FAR2: variants seen among roughly 807,000 people sequenced by gnomAD.
The protein encoded by FAR2 is epididymis secretory protein Li 81.
Under a neutral mutation model 56.0 loss-of-function variants are expected in FAR2, and 19 were observed. The ratio of observed to expected loss-of-function variants is 0.34; its 90% CI spans 0.24 to 0.50. The LOEUF (loss-of-function observed/expected upper bound fraction) is 0.50, where lower values mean the gene tolerates loss of function less well. FAR2 is among the 20% of genes least tolerant of loss of function. The pLI, the probability that FAR2 is intolerant of heterozygous loss-of-function variation, is 0.98. For missense variants in FAR2, 508 were observed against 642.2 expected, an observed-to-expected ratio of 0.79 and a Z score of 2.26; for synonymous variants, 219 against 218.8, an observed-to-expected ratio of 1.00 and a Z score of -0.01.
chr12:29,263,317 G>C (rs181223383), intron 1 of FAR2, among the ~76,000 whole-genome samples: 352 of 152,256 alleles, frequency 2.3e-3, no homozygotes, highest in Non-Finnish European at 3.4e-3. Flanking sequence ...GATATTTACA[G>C]AACACTTCAT....
chr12:29,177,825 G>T (rs1949952571), intron 1 of FAR2, among the ~76,000 whole-genome samples: 1 of 95,806 alleles, frequency 1.0e-5, no homozygotes, highest in Admixed American at 1.3e-4. Flanking sequence ...AGCTATTGTA[G>T]TATAAGCACA....
intron 1 of FAR2, among the ~76,000 whole-genome samples, chr12:29,222,047 C>T (rs1458600783): frequency 6.6e-6 from 1 of 152,132 alleles, no homozygotes; most frequent in Non-Finnish European, 1.5e-5. Flanking sequence ...ACGGGTTTCA[C>T]CATGTTGGGC....
chr12:29,187,518 T>C (rs1198029388), intron 1 of FAR2, among the ~76,000 whole-genome samples: 1 of 152,154 alleles, frequency 6.6e-6, no homozygotes, highest in African/African-American at 2.4e-5. Context: ...AGCCTGTACA[T>C]GTCAGGTTTA....
In FAR2 at chr12:29,244,278, A is replaced by ATTT. The variant is rs757539750; in HGVS notation, c.-38-26132_-38-26130dup. On this transcript the variant is annotated intron_variant, in intron 1 of 11. Transcript: ENST00000536681. Reference sequence around the variant, plus strand: ...TGTGCCAATGAACACATTAAATACAATTTTAAAGCCTTGTTCAGTGAACAG... The same window carrying ATTT: ...TGTGCCAATGAACACATTAAATACAATTTTTTTAAAGCCTTGTTCAGTGAACAG... 1.8e-4 allele frequency among the ~76,000 whole-genome samples: 27 copies of ATTT among 152,320 alleles called. 1 individual carries two copies. Among genetic ancestry groups the ATTT allele is most frequent in the Middle Eastern group, 3.4e-3 (1 of 294 alleles).
At chr12:29,291,248 C>G (rs1948960835) in intron 2 of FAR2, among the ~76,000 whole-genome samples, 1 of 152,158 alleles carries the variant, frequency 6.6e-6, no homozygotes, top group South Asian at 2.1e-4. Flanking sequence ...ATGAATTTTT[C>G]AGAGTCAGTG....
chr12:29,226,192 G>T (rs1299138087), intron 1 of FAR2, among the ~76,000 whole-genome samples: 1 of 152,214 alleles, frequency 6.6e-6, no homozygotes, highest in African/African-American at 2.4e-5. Flanking sequence ...TTTGTTGGAT[G>T]ATATTTGCAC....
intron 1 of FAR2, among the ~76,000 whole-genome samples, chr12:29,270,041 C>G (rs796336303): frequency 6.6e-6 from 1 of 152,210 alleles, no homozygotes; most frequent in Admixed American, 6.5e-5. Flanking sequence ...ATGTCACAGA[C>G]ACTTTGAAAT....
chr12:29,183,379 C>A (rs997661357), intron 1 of FAR2, among the ~76,000 whole-genome samples: 12 of 152,132 alleles, frequency 7.9e-5, no homozygotes, highest in Non-Finnish European at 1.3e-4. Flanking sequence ...ATCTCCAATC[C>A]AAACAACTCC....
At chr12:29,176,802 T>TG (rs79037433) in intron 1 of FAR2, among the ~76,000 whole-genome samples, 6,551 of 152,178 alleles carry the variant, frequency 0.043, 212 homozygotes, top group East Asian at 0.1. Flanking sequence ...TGTGTTCATA[T>TG]GGGCAATGTG....
At chr12:29,312,925 T>C (rs1949378496) in intron 8 of FAR2, among the ~76,000 whole-genome samples, 2 of 152,132 alleles carry the variant, frequency 1.3e-5, no homozygotes, top group South Asian at 4.1e-4. Context: ...TTTCCAAGAA[T>C]GGAAAATACC....
intron 1 of FAR2, among the ~76,000 whole-genome samples, chr12:29,175,012 T>C (rs762224641): frequency 4.6e-5 from 7 of 151,720 alleles, no homozygotes; most frequent in Admixed American, 6.6e-5. Context: ...CTCCAAAGAG[T>C]TGGGGGTTGT....
intron 3 of FAR2, among the ~76,000 whole-genome samples, chr12:29,295,756 A>ATTTTTTTT (rs61390530): frequency 1.2e-4 from 11 of 88,384 alleles, no homozygotes; most frequent in Non-Finnish European, 1.4e-4. Context: ...TTTTTACGTA[A>ATTTTTTTT]TTTTTTTTTT....
At chr12:29,300,381 C>T (rs1461148838) in intron 4 of FAR2, among the ~76,000 whole-genome samples, 1 of 152,176 alleles carries the variant, frequency 6.6e-6, no homozygotes, top group Non-Finnish European at 1.5e-5. Flanking sequence ...ATTTCAACGA[C>T]TCCTATACCA....
chr12:29,304,943 A>G (rs1591951129), intron 4 of FAR2, among the ~76,000 whole-genome samples: 1 of 152,126 alleles, frequency 6.6e-6, no homozygotes, highest in Non-Finnish European at 1.5e-5. Flanking sequence ...ACAAATTGAG[A>G]ACAAACAGCA....
Position 29,216,722 on chromosome 12 carries a change from T to C in FAR2, c.-38-53690T>C, listed in dbSNP as rs1014220063. Among the ~76,000 whole-genome samples the C allele has an allele frequency of 2.6e-5, 4 of 152,224 alleles. No individual in the cohort carries two copies. The East Asian group carries it at 5.8e-4, about 22-fold the overall frequency. ...TTTCTTTCTGACAGCCCAGAACATA[T>C]AGCATTTTGAGTTAATTTCAGGCAT... On this transcript the variant is annotated intron_variant, in intron 1 of 11. Coordinates refer to ENST00000536681, the MANE Select transcript of FAR2 (RefSeq NM_001271783.2).
At chr12:29,227,421 C>A (rs1947786125) in intron 1 of FAR2, among the ~76,000 whole-genome samples, 1 of 152,190 alleles carries the variant, frequency 6.6e-6, no homozygotes, top group South Asian at 2.1e-4. Flanking sequence ...TGACTCCTAA[C>A]AACAGGCGTT....
chr12:29,258,247 C>G (rs951757870), intron 1 of FAR2, among the ~76,000 whole-genome samples: 3 of 151,330 alleles, frequency 2.0e-5, no homozygotes, highest in Non-Finnish European at 2.9e-5. Flanking sequence ...CCCAGCTACT[C>G]GGGAGGCTGA....
At chr12:29,178,691 A>G (rs1949963432) in intron 1 of FAR2, among the ~76,000 whole-genome samples, 1 of 152,146 alleles carries the variant, frequency 6.6e-6, no homozygotes, top group Non-Finnish European at 1.5e-5. Context: ...GTTCTTTGAT[A>G]TTGCTTCTTG....
intron 1 of FAR2, among the ~76,000 whole-genome samples, chr12:29,203,494 T>C (rs1269915814): frequency 6.6e-6 from 1 of 152,232 alleles, no homozygotes; most frequent in East Asian, 1.9e-4. Flanking sequence ...TACATACTTA[T>C]ACTTGGGCCC....
Sources: allele counts gnomAD v4.1 joint callset (sites outside exome capture counted in the v4.1 genomes callset), GRCh38; gene constraint gnomAD v4.1.1; transcripts MANE v1.5; gene names NCBI Gene and HGNC (gene_info 2026-07-23, HGNC 2026-07-21).